THRAP3: variants seen among roughly 807,000 people sequenced by gnomAD.
THRAP3 encodes thyroid hormone receptor associated protein 3.
In THRAP3, 16 loss-of-function variants were observed where a neutral mutation model predicts 101.0. The ratio of observed to expected loss-of-function variants is 0.16; its 90% confidence interval spans 0.11 to 0.24. THRAP3 has a LOEUF of 0.24. Ranked by LOEUF, THRAP3 falls within the 10% of genes least tolerant of loss-of-function variation. THRAP3 has a pLI of 1.00. For missense variants in THRAP3, 989 were observed against 1,202.7 expected (o/e 0.82, Z 2.63); for synonymous variants, 407 against 422.6 (o/e 0.96, Z 0.45).
intron 1 of THRAP3, among the ~76,000 whole-genome samples, chr1:36,245,635 G>C (rs1645221720): frequency 6.6e-6 from 1 of 152,042 alleles, no homozygotes; most frequent in South Asian, 2.1e-4. Flanking sequence ...CCAACAGTTT[G>C]CCTGCTTAGA....
Position 36,301,596 on chromosome 1 carries a change from C to T in THRAP3, c.2546C>T (p.Ser849Phe), listed in dbSNP as rs200329766. The T allele has an allele frequency of 3.1e-6, 5 of 1,614,168 alleles. No homozygotes were observed. The East Asian group carries it at 6.7e-5, about 22-fold the overall frequency. The change falls in exon 11 of 12, where the codon TCT becomes TTT. Residue 849 changes from serine to phenylalanine, a missense_variant. Physicochemically the swap from Ser to Phe is radical, Grantham distance 155. Transcript: ENST00000354618. ...RGRGWGRGNY[S>F]GNNNNNSNND... is the part of the protein sequence containing the mutation. ...AGAGGCTGGGGCAGAGGCAACTACTCTGGGAACAATAACAACAACAGCAAC... is the reference window on the plus strand; with the variant it reads ...AGAGGCTGGGGCAGAGGCAACTACTTTGGGAACAATAACAACAACAGCAAC...
intron 11 of THRAP3, 32 bp downstream of exon 11, chr1:36,301,728 G>A (rs1326170320): frequency 6.3e-7 from 1 of 1,593,848 alleles, no homozygotes; most frequent in East Asian, 2.2e-5. Context: ...GGAAGGGTTA[G>A]AGGGCCTTTG....
chr1:36,213,332 T>C, the THRAP3 span, among the ~76,000 whole-genome samples: 3 of 152,130 alleles, frequency 2.0e-5, no homozygotes, highest in East Asian at 1.9e-4. Context: ...GATCTTATCA[T>C]AGCCAACACT....
chr1:36,213,823 G>C, the THRAP3 span, among the ~76,000 whole-genome samples: 1 of 149,952 alleles, frequency 6.7e-6, no homozygotes, highest in Non-Finnish European at 1.5e-5. Flanking sequence ...CTCCAGCCTG[G>C]GCAACAAGAG....
chr1:36,294,024 ACTT>A, intron 8 of THRAP3, 89 bp downstream of exon 8: 1 of 1,548,202 alleles, frequency 6.5e-7, no homozygotes, highest in Non-Finnish European at 8.8e-7. Flanking sequence ...ATTACTCTCT[ACTT>A]AAGTTTGTGT....
the THRAP3 span, among the ~76,000 whole-genome samples, chr1:36,210,746 A>ATATCATATATAT: frequency 3.7e-4 from 37 of 98,832 alleles, no homozygotes; most frequent in Non-Finnish European, 5.9e-4. Context: ...TCATATATAT[A>ATATCATATATAT]AAGTGTCAGC....
the THRAP3 span, among the ~76,000 whole-genome samples, chr1:36,218,486 G>A: frequency 7.3e-5 from 11 of 150,846 alleles, no homozygotes; most frequent in Non-Finnish European, 1.5e-4. Flanking sequence ...GGAGGCCGAG[G>A]TGGGTGGATC....
intron 2 of THRAP3, among the ~76,000 whole-genome samples, chr1:36,276,141 C>T (rs1320602023): frequency 2.6e-5 from 4 of 151,776 alleles, no homozygotes; most frequent in Non-Finnish European, 5.9e-5. Context: ...ATCTTTGTGA[C>T]CTTGGGTTAG....
upstream of THRAP3, among the ~76,000 whole-genome samples, chr1:36,220,972 A>AAAAAAATAT (rs1285765741): frequency 4.2e-5 from 4 of 94,148 alleles, no homozygotes; most frequent in African/African-American, 9.5e-5. Context: ...AAAAAAAAAA[A>AAAAAAATAT]ATATATATAT....
At chr1:36,287,917 G>C in intron 4 of THRAP3, 1 of 985,380 alleles carries the variant, frequency 1.0e-6, no homozygotes, top group Non-Finnish European at 1.2e-6. Context: ...GATGGATTGG[G>C]ATGGCAGAGA....
rs1390345747 is a variant in THRAP3 at position 36,296,732 on chromosome 1, A to G, written c.2265A>G (p.Glu755=). The G allele has an allele frequency of 2.5e-6, 4 of 1,601,408 alleles. No individual in the cohort carries two copies. The highest frequency in any genetic ancestry group is 3.4e-6 in the Non-Finnish European group (4 of 1,177,012). ...GTCACTCAAGGGAAAGGTCAGCTGA[A>G]AAAACAGAGAAAACTCATAAAGGAT... is the stretch of plus-strand genomic sequence containing the variant. The part of the protein sequence containing the change: ...DSSHSRERSA[E]KTEKTHKGSK... Residue 755 remains glutamate (E), a synonymous_variant, in exon 9 of 12, where the codon GAA becomes GAG. Transcript: ENST00000354618.
chr1:36,299,332 A>G (rs1646000751), intron 9 of THRAP3, among the ~76,000 whole-genome samples: 1 of 151,726 alleles, frequency 6.6e-6, no homozygotes, highest in Non-Finnish European at 1.5e-5. Context: ...CCCACTGCTC[A>G]GGAGGCTGAG....
intron 1 of THRAP3, chr1:36,225,159 A>T (rs1644947515): frequency 6.6e-6 from 1 of 152,214 alleles, no homozygotes; most frequent in African/African-American, 2.4e-5. Flanking sequence ...GTTGTCTTTG[A>T]CTTTACAAAT....
At chr1:36,292,836 C>CTT (rs199986987) in intron 7 of THRAP3, 127 bp downstream of exon 7, 4 of 654,190 alleles carry the variant, frequency 6.1e-6, no homozygotes, top group African/African-American at 1.8e-5. Flanking sequence ...CCTTCAGACT[C>CTT]TAAGAGAGCT....
chr1:36,282,534 TG>T lies in THRAP3; in HGVS notation c.-29del. 1 of 1,607,962 alleles carries T rather than the reference TG, an allele frequency of 6.2e-7. No homozygotes were observed. Reference sequence around the variant, plus strand: ...TTCTAATGCATTTTCTTACATTAGGTGTAATTGAAAAGTGATCCTCTCTTCA... The same window carrying T: ...TTCTAATGCATTTTCTTACATTAGGTTAATTGAAAAGTGATCCTCTCTTCA... On this transcript the variant is annotated splice_region_variant and 5_prime_UTR_variant, in exon 3 of 12. Transcript: ENST00000354618.
chr1:36,209,845 A>G, the THRAP3 span, among the ~76,000 whole-genome samples: 1 of 152,160 alleles, frequency 6.6e-6, no homozygotes, highest in Admixed American at 6.6e-5. Context: ...TGTTACATTC[A>G]CTGCCACCCC....
At chr1:36,218,846 A>C in the THRAP3 span, among the ~76,000 whole-genome samples, 1 of 152,078 alleles carries the variant, frequency 6.6e-6, no homozygotes, top group Non-Finnish European at 1.5e-5. Context: ...CAGCCTGGCC[A>C]AGATGGTGAA....
intron 1 of THRAP3, among the ~76,000 whole-genome samples, chr1:36,238,565 G>T (rs562902138): frequency 6.6e-6 from 1 of 152,212 alleles, no homozygotes; most frequent in East Asian, 1.9e-4. Flanking sequence ...CTATTTTGGG[G>T]CTATGGTAGG....
Position 36,287,222 on chromosome 1 carries a change from C to T in THRAP3, c.992C>T (p.Ser331Phe), listed in dbSNP as rs780278096. 1 of 1,613,874 alleles carries T rather than the reference C, an allele frequency of 6.2e-7. No homozygotes were observed. The highest frequency in any genetic ancestry group is 1.1e-5 in the South Asian group (1 of 91,054). ...PPSTGSTYGS[S>F]QKEESAASGG... ...TCCACTGGCTCCACATATGGCTCAT[C>T]TCAGAAGGAGGAGAGTGCTGCTTCA... Residue 331 changes from serine to phenylalanine, a missense_variant, in exon 4 of 12, where the codon TCT becomes TTT. Transcript: ENST00000354618.
Sources: allele counts gnomAD v4.1 joint callset (sites outside exome capture counted in the v4.1 genomes callset), GRCh38; gene constraint gnomAD v4.1.1; transcripts MANE v1.5; gene names NCBI Gene and HGNC (gene_info 2026-07-23, HGNC 2026-07-21).